SLC39A8: variants seen among roughly 807,000 people sequenced by gnomAD.
SLC39A8 encodes the protein metal cation symporter ZIP8.
A neutral mutation model predicts 40.4 loss-of-function variants in SLC39A8; 15 were observed. The observed-to-expected ratio is 0.37, with a 90% CI of 0.25 to 0.57. SLC39A8 has a LOEUF of 0.57. Among genes scored for constraint, SLC39A8 ranks in the 20% least tolerant of loss-of-function variants. The probability of loss-of-function intolerance (pLI) is 0.75; values close to 1 mark genes in which losing one functional copy is unlikely to be tolerated. For missense variants in SLC39A8, 472 were observed against 558.8 expected (o/e 0.84, Z 1.57); for synonymous variants, 223 against 221.6 (o/e 1.01, Z -0.06).
chr4:102,332,754 T>C (rs1735517794), intron 2 of SLC39A8, among the ~76,000 whole-genome samples: 1 of 152,196 alleles, frequency 6.6e-6, no homozygotes, highest in Non-Finnish European at 1.5e-5. Flanking sequence ...AGCAAAGACT[T>C]GGAACCAACC....
intron 6 of SLC39A8, among the ~76,000 whole-genome samples, chr4:102,291,998 G>T (rs1265965213): frequency 6.6e-6 from 1 of 151,868 alleles, no homozygotes; most frequent in African/African-American, 2.4e-5. Context: ...TAAAAAAGTT[G>T]AGCTCATAAA....
chr4:102,339,814 T>C (rs1386038996), intron 2 of SLC39A8, among the ~76,000 whole-genome samples: 1 of 152,092 alleles, frequency 6.6e-6, no homozygotes, highest in Non-Finnish European at 1.5e-5. Context: ...CTTGACCCAC[T>C]CCAATACATT....
intron 2 of SLC39A8, among the ~76,000 whole-genome samples, chr4:102,326,330 G>T (rs1735200335): frequency 6.6e-6 from 1 of 152,192 alleles, no homozygotes. Flanking sequence ...GGGAGGCCGA[G>T]GCGGGCAGAT....
At chr4:102,300,352 T>C (rs1733869682) in intron 6 of SLC39A8, among the ~76,000 whole-genome samples, 1 of 152,122 alleles carries the variant, frequency 6.6e-6, no homozygotes, top group Non-Finnish European at 1.5e-5. Context: ...GATTTTTATA[T>C]GACTAAACAC....
At chr4:102,342,903 T>C (rs1412775081) in intron 2 of SLC39A8, among the ~76,000 whole-genome samples, 8 of 152,344 alleles carry the variant, frequency 5.3e-5, no homozygotes, top group African/African-American at 1.9e-4. Context: ...GCTACAGATA[T>C]GCAGCTTCAA....
intron 6 of SLC39A8, among the ~76,000 whole-genome samples, chr4:102,275,205 C>G (rs1732560772): frequency 6.6e-6 from 1 of 151,822 alleles, no homozygotes; most frequent in African/African-American, 2.4e-5. Flanking sequence ...TTCAGGAGAC[C>G]CATCTCATGT....
At chr4:102,284,368 G>T (rs183362724) in intron 6 of SLC39A8, among the ~76,000 whole-genome samples, 3 of 152,238 alleles carry the variant, frequency 2.0e-5, no homozygotes, top group Admixed American at 2.0e-4. Flanking sequence ...ATGATGTTGG[G>T]CTGTGTGTCC....
chr4:102,341,782 T>C (rs954907693), intron 2 of SLC39A8, among the ~76,000 whole-genome samples: 4 of 152,226 alleles, frequency 2.6e-5, no homozygotes, highest in Admixed American at 1.3e-4. Flanking sequence ...CTTCCAAAAT[T>C]GTCTAACAAA....
chr4:102,338,465 C>T (rs915694004), intron 2 of SLC39A8, among the ~76,000 whole-genome samples: 3 of 152,136 alleles, frequency 2.0e-5, no homozygotes, highest in African/African-American at 4.8e-5. Context: ...GGATTACAGG[C>T]GTTAGCCACC....
At chr4:102,306,675 T>C (rs1734186203) in intron 4 of SLC39A8, among the ~76,000 whole-genome samples, 1 of 152,052 alleles carries the variant, frequency 6.6e-6, no homozygotes. Flanking sequence ...ACAGTCCATG[T>C]ATACATATAT....
chr4:102,333,696 C>A (rs751260556), intron 2 of SLC39A8, among the ~76,000 whole-genome samples: 1 of 152,008 alleles, frequency 6.6e-6, no homozygotes, highest in Non-Finnish European at 1.5e-5. Context: ...CAGCTGGGTG[C>A]GCAAGGCTGA....
At chr4:102,267,256 T>G (rs1449038416) in intron 8 of SLC39A8, among the ~76,000 whole-genome samples, 1 of 146,294 alleles carries the variant, frequency 6.8e-6, no homozygotes, top group Non-Finnish European at 1.5e-5. Flanking sequence ...AACAAATCAT[T>G]TCACCTTCAA....
chr4:102,324,286 T>G (rs1437490439), intron 2 of SLC39A8: 4 of 324,182 alleles, frequency 1.2e-5, no homozygotes, highest in Non-Finnish European at 2.5e-5. Context: ...TCCCAGCTAC[T>G]CGGAAGGCTG....
chr4:102,340,157 CA>C (rs1578633517), intron 2 of SLC39A8, among the ~76,000 whole-genome samples: 1 of 152,014 alleles, frequency 6.6e-6, no homozygotes, highest in South Asian at 2.1e-4. Context: ...CCCATCTATT[CA>C]AAAAAATTAT....
At chr4:102,279,412 A>G (rs1277644836) in intron 6 of SLC39A8, among the ~76,000 whole-genome samples, 2 of 152,184 alleles carry the variant, frequency 1.3e-5, no homozygotes, top group South Asian at 4.1e-4. Context: ...AGACAAGGAC[A>G]GTGCTTAAAA....
chr4:102,342,956 C>T (rs1736008868), intron 2 of SLC39A8, among the ~76,000 whole-genome samples: 1 of 152,188 alleles, frequency 6.6e-6, no homozygotes, highest in South Asian at 2.1e-4. Flanking sequence ...ACCATACCTA[C>T]CTGGAAATAC....
intron 6 of SLC39A8, among the ~76,000 whole-genome samples, chr4:102,301,702 G>A (rs988538678): frequency 6.6e-6 from 1 of 151,976 alleles, no homozygotes; most frequent in Non-Finnish European, 1.5e-5. Flanking sequence ...GGATCATGTC[G>A]AGGGCCTCAT....
At chr4:102,336,340 A>G (rs1334334141) in intron 2 of SLC39A8, among the ~76,000 whole-genome samples, 1 of 152,232 alleles carries the variant, frequency 6.6e-6, no homozygotes, top group Non-Finnish European at 1.5e-5. Context: ...GGTAAACAAG[A>G]GAATTAGAAT....
chr4:102,265,807 A>C (rs1266867895), intron 8 of SLC39A8, among the ~76,000 whole-genome samples: 1 of 152,136 alleles, frequency 6.6e-6, no homozygotes, highest in African/African-American at 2.4e-5. Flanking sequence ...AGTGGGATGG[A>C]ATTTACCTCA....
Sources: allele counts gnomAD v4.1 joint callset (sites outside exome capture counted in the v4.1 genomes callset), GRCh38; gene constraint gnomAD v4.1.1; transcripts MANE v1.5; gene names NCBI Gene and HGNC (gene_info 2026-07-23, HGNC 2026-07-21).